The following SLC12A6 variants were observed in gnomAD, a reference collection of about 807,000 sequenced individuals.
SLC12A6 encodes solute carrier family 12 member 6, also known as K-Cl cotransporter 3.
Under a neutral mutation model 135.3 loss-of-function variants are expected in SLC12A6, and 66 were observed. The observed-to-expected ratio is 0.49, with a 90% CI of 0.40 to 0.60. The LOEUF is 0.60. SLC12A6 is among the 20% of genes least tolerant of loss of function. The pLI is 0.00. For synonymous variants in SLC12A6, 513 were observed against 508.8 expected (o/e 1.01, Z -0.11); for missense variants, 1,058 against 1,452.3 (o/e 0.73, Z 4.41).
At chr15:34,276,415 C>T (rs1000842637) in intron 2 of SLC12A6, among the ~76,000 whole-genome samples, 3 of 152,142 alleles carry the variant, frequency 2.0e-5, no homozygotes, top group Admixed American at 6.5e-5. Context: ...AAATAAAATT[C>T]GTGGCAATAA....
chr15:34,259,305 C>A (rs939467408), intron 4 of SLC12A6, among the ~76,000 whole-genome samples: 2 of 150,632 alleles, frequency 1.3e-5, no homozygotes, highest in Admixed American at 1.3e-4. Flanking sequence ...CGCGCCACTG[C>A]GCTCCAGCCT....
chr15:34,315,014 C>G (rs1048786215), intron 2 of SLC12A6, among the ~76,000 whole-genome samples: 3 of 152,020 alleles, frequency 2.0e-5, no homozygotes, highest in Non-Finnish European at 4.4e-5. Context: ...ATGATAAAAC[C>G]TGAATAGATA....
Position 34,238,244 on chromosome 15 carries a change from C to T in SLC12A6, c.2790G>A (p.Leu930=), listed in dbSNP as rs756341232. The change falls in exon 21 of 26, where the codon CTG becomes CTA. Residue 930 remains leucine, a synonymous_variant. Coordinates refer to ENST00000354181, the MANE Select transcript of SLC12A6 (RefSeq NM_001365088.1). ...GGMLMLLPFL[L]KQHKVWRKCS... ...TTGTATAAAATACCTTGTGCTGTTT[C>T]AGTAGGAATGGTAGTAGCATAAGCA... is the stretch of plus-strand genomic sequence containing the variant. 1.9e-6 allele frequency: 3 copies of T among 1,612,652 alleles called. No individual in the cohort carries two copies. In the Admixed American group the frequency reaches 5.0e-5, roughly 27 times the overall value.
chr15:34,286,831 T>G (rs1895113977), intron 2 of SLC12A6, among the ~76,000 whole-genome samples: 1 of 152,108 alleles, frequency 6.6e-6, no homozygotes, highest in Non-Finnish European at 1.5e-5. Context: ...TGCAGCAACC[T>G]TATCTCCTAA....
At chr15:34,260,766 A>T (rs997681017) in intron 4 of SLC12A6, among the ~76,000 whole-genome samples, 160 bp downstream of exon 4, 1 of 152,236 alleles carries the variant, frequency 6.6e-6, no homozygotes, top group Non-Finnish European at 1.5e-5. Context: ...CTATAATTAG[A>T]TTACACAGAC....
intron 3 of SLC12A6, among the ~76,000 whole-genome samples, chr15:34,274,831 C>A (rs1894192390): frequency 6.6e-6 from 1 of 151,884 alleles, no homozygotes; most frequent in African/African-American, 2.4e-5. Context: ...AAGAGAAATT[C>A]TTGTCAAATT....
At position 34,318,734 on chromosome 15, in the gene SLC12A6, T is replaced by G. The variant is rs1888834549; in HGVS notation, c.271+17676A>C. 2.5e-6 allele frequency: 4 copies of G among 1,610,254 alleles called. No homozygotes were observed. In the Admixed American group the frequency reaches 5.0e-5, roughly 20 times the overall value. Reference sequence around the variant, plus strand: ...TGTATTTAAACTTCCTTCCAGTTAGTTTTCCCTGCCTACCTCTTCCTTGCT... The same window carrying G: ...TGTATTTAAACTTCCTTCCAGTTAGGTTTCCCTGCCTACCTCTTCCTTGCT... On this transcript the variant is annotated intron_variant, in intron 2 of 25. Transcript: ENST00000354181.
At position 34,308,642 on chromosome 15, in the gene SLC12A6, A is replaced by C. The variant is rs575302929; in HGVS notation, c.271+27768T>G. Among the ~76,000 whole-genome samples, 17 of 151,402 alleles carry C rather than the reference A, an allele frequency of 1.1e-4. No individual in the cohort carries two copies. The East Asian group carries it at 2.7e-3, about 24-fold the overall frequency. ...ACTGTCCACCTGACAAAAAAAAAAA[A>C]AAAAAAAAAACAAACCAGATTGTTG... On this transcript the variant is annotated intron_variant, in intron 2 of 25. Transcript: ENST00000354181.
chr15:34,265,568 G>A (rs756699294), intron 3 of SLC12A6, among the ~76,000 whole-genome samples: 2 of 152,168 alleles, frequency 1.3e-5, no homozygotes, highest in Non-Finnish European at 2.9e-5. Flanking sequence ...GCTGATAACA[G>A]CCTCTAAAGA....
chr15:34,246,100 T>A (rs1359705361), intron 13 of SLC12A6, among the ~76,000 whole-genome samples: 1 of 152,090 alleles, frequency 6.6e-6, no homozygotes, highest in African/African-American at 2.4e-5. Context: ...ACCTGGCTAA[T>A]TTTTGTATTT....
chr15:34,315,423 A>G (rs1888571568), intron 2 of SLC12A6, among the ~76,000 whole-genome samples: 1 of 152,170 alleles, frequency 6.6e-6, no homozygotes, highest in African/African-American at 2.4e-5. Flanking sequence ...ATTTTTTGGT[A>G]ATAAAGTATA....
At chr15:34,276,344 T>C (rs1182480961) in intron 2 of SLC12A6, among the ~76,000 whole-genome samples, 1 of 152,210 alleles carries the variant, frequency 6.6e-6, no homozygotes, top group African/African-American at 2.4e-5. Flanking sequence ...TTCTAGTAGT[T>C]TGACTTTAAG....
rs551698562 is a variant in SLC12A6 at position 34,253,740 on chromosome 15, C to A, written c.1118+608G>T. Reference sequence around the variant, plus strand: ...ACAAGACTACAAATAACACTGAGTGCCAGCTAGTCCCTATGCCACTAGTCA... The same window carrying A: ...ACAAGACTACAAATAACACTGAGTGACAGCTAGTCCCTATGCCACTAGTCA... On this transcript the variant is annotated intron_variant, in intron 9 of 25. Coordinates refer to ENST00000354181, the MANE Select transcript of SLC12A6 (RefSeq NM_001365088.1). Among the ~76,000 whole-genome samples the A allele has an allele frequency of 1.6e-4, 24 of 152,332 alleles. No homozygotes were observed. In the South Asian group the frequency reaches 5.0e-3, roughly 32 times the overall value.
intron 2 of SLC12A6, among the ~76,000 whole-genome samples, chr15:34,322,978 C>CAAAAA (rs1218702689): frequency 7.7e-5 from 3 of 39,010 alleles, no homozygotes; most frequent in African/African-American, 1.8e-4. Context: ...AACTCTGTCT[C>CAAAAA]AAAAAAAAAA....
At chr15:34,284,277 C>CTTTTCT (rs1555385324) in intron 2 of SLC12A6, among the ~76,000 whole-genome samples, 18 of 92,492 alleles carry the variant, frequency 1.9e-4, no homozygotes, top group Non-Finnish European at 3.0e-4. Flanking sequence ...TGTTTCTTTT[C>CTTTTCT]TTTTTTTTTT....
intron 3 of SLC12A6, among the ~76,000 whole-genome samples, chr15:34,271,124 C>A (rs1412153152): frequency 6.6e-6 from 1 of 152,144 alleles, no homozygotes; most frequent in Non-Finnish European, 1.5e-5. Flanking sequence ...GAGACACAGC[C>A]AAACCATATC....
chr15:34,260,786 TATA>T (rs1488384777), intron 4 of SLC12A6, 137 bp downstream of exon 4: 36 of 622,086 alleles, frequency 5.8e-5, no homozygotes, highest in South Asian at 4.6e-4. Flanking sequence ...CAAAATTTAC[TATA>T]ATAACAAGTT....
rs944762265 is a variant in SLC12A6, at chr15:34,267,416, A to T, written c.317-6396T>A. On this transcript the variant is annotated intron_variant, in intron 3 of 25. Transcript: ENST00000354181. ...GAGGTATATTCCTTAGAATTCCTTT[A>T]GGTTTCTCAAACTCAGCACTATGGA... 4.6e-5 allele frequency among the ~76,000 whole-genome samples: 7 copies of T among 152,190 alleles called. No homozygotes were observed. The East Asian group carries it at 1.2e-3, about 25-fold the overall frequency.
chr15:34,271,690 G>A (rs910338448), intron 3 of SLC12A6, among the ~76,000 whole-genome samples: 9 of 151,634 alleles, frequency 5.9e-5, no homozygotes, highest in East Asian at 3.9e-4. Flanking sequence ...TCACCCTCCC[G>A]TATATCTCCT....
Sources: gnomAD v4.1 joint callset for allele counts (sites outside exome capture counted in the v4.1 genomes callset) on GRCh38, gnomAD v4.1.1 for gene constraint, MANE v1.5 for transcripts, NCBI Gene and HGNC (gene_info 2026-07-23, HGNC 2026-07-21) for gene names.